CORO1C: variants seen among roughly 807,000 people sequenced by gnomAD.
The protein encoded by CORO1C is coronin-1C.
In CORO1C, 14 loss-of-function variants were observed where a neutral mutation model predicts 51.2. That is an observed-to-expected ratio of 0.27 (90% CI 0.18 to 0.43). The LOEUF (loss-of-function observed/expected upper bound fraction) is 0.43. CORO1C is among the 20% of genes least tolerant of loss of function. The pLI is 1.00. For synonymous variants in CORO1C, 181 were observed against 210.5 expected (o/e 0.86, Z 1.21); for missense variants, 417 against 607.8 (o/e 0.69, Z 3.30).
At chr12:108,724,663 G>A (rs984661493) in intron 1 of CORO1C, among the ~76,000 whole-genome samples, 1 of 152,210 alleles carries the variant, frequency 6.6e-6, no homozygotes, top group African/African-American at 2.4e-5. Flanking sequence ...TTAAAAGATG[G>A]TGAGATACTG....
intron 6 of CORO1C, 123 bp from the exon 7 acceptor site, chr12:108,654,533 G>T (rs1373888568): frequency 8.9e-6 from 5 of 560,642 alleles, no homozygotes; most frequent in Non-Finnish European, 1.6e-5. Context: ...TAGAATAACA[G>T]AAGTTTGAAC....
chr12:108,671,174 A>G (rs1044116872), intron 3 of CORO1C, among the ~76,000 whole-genome samples: 1 of 152,116 alleles, frequency 6.6e-6, no homozygotes, highest in Non-Finnish European at 1.5e-5. Context: ...GTCTCTACAA[A>G]AAAAATAGAA....
chr12:108,684,157 G>A (rs976717799), intron 2 of CORO1C, among the ~76,000 whole-genome samples: 1 of 152,084 alleles, frequency 6.6e-6, no homozygotes, highest in Non-Finnish European at 1.5e-5. Context: ...AACTCACAGC[G>A]AAGAAAATCT....
At chr12:108,652,055 CTT>C (rs202228272) in intron 8 of CORO1C, 197 of 142,674 alleles carry the variant, frequency 1.4e-3, no homozygotes, top group Middle Eastern at 3.2e-3. Context: ...TTTTTCTTTT[CTT>C]TTTTTTTTTT....
intron 4 of CORO1C, 89 bp from the exon 5 acceptor site, chr12:108,659,008 T>C: frequency 2.2e-6 from 3 of 1,341,018 alleles, no homozygotes; most frequent in Middle Eastern, 1.9e-4. Flanking sequence ...AGAATACACA[T>C]ATGTATATGC....
At chr12:108,695,810 A>G (rs964382611) in intron 2 of CORO1C, among the ~76,000 whole-genome samples, 1 of 147,298 alleles carries the variant, frequency 6.8e-6, no homozygotes, top group Non-Finnish European at 1.5e-5. Flanking sequence ...TCTTAATCCT[A>G]TGCATCTAGA....
chr12:108,718,654 T>C (rs938843759), intron 1 of CORO1C, among the ~76,000 whole-genome samples: 1 of 152,232 alleles, frequency 6.6e-6, no homozygotes, highest in African/African-American at 2.4e-5. Flanking sequence ...TAGGAAAGTA[T>C]AGCGCTTACA....
At chr12:108,710,784 G>T (rs528676504) in intron 1 of CORO1C, among the ~76,000 whole-genome samples, 1 of 151,886 alleles carries the variant, frequency 6.6e-6, no homozygotes, top group Admixed American at 6.6e-5. Context: ...AGATGGTCTC[G>T]ATCTCTTCAC....
chr12:108,648,723 G>A lies in CORO1C; in HGVS notation c.1187C>T (p.Pro396Leu). Residue 396 changes from proline to leucine, a missense_variant, in exon 10 of 11, where the codon CCA becomes CTA. Transcript: ENST00000261401. ...ILISLKHGYI[P>L]GKNRDLKVVK... Reference sequence around the variant, plus strand: ...CACCTTGAGATCCCTGTTTTTGCCTGGAATGTACCCGTGCTTCAAGGAGAT... The same window carrying A: ...CACCTTGAGATCCCTGTTTTTGCCTAGAATGTACCCGTGCTTCAAGGAGAT... The A allele has an allele frequency of 6.2e-7, 1 of 1,614,104 alleles. No homozygotes were observed. Among genetic ancestry groups the A allele is most frequent in the Non-Finnish European group, 8.5e-7 (1 of 1,180,012 alleles).
intron 1 of CORO1C, among the ~76,000 whole-genome samples, chr12:108,710,139 G>C (rs760927153): frequency 1.7e-4 from 26 of 152,256 alleles, no homozygotes; most frequent in Admixed American, 2.6e-4. Context: ...TTCTAGAATG[G>C]TTTTTATTAT....
chr12:108,707,858 T>C (rs1005678162), intron 1 of CORO1C, among the ~76,000 whole-genome samples: 13 of 152,184 alleles, frequency 8.5e-5, no homozygotes, highest in African/African-American at 3.1e-4. Flanking sequence ...GATGTACAAA[T>C]GTCCAATACA....
chr12:108,669,690 A>AGAG (rs1555217160), intron 3 of CORO1C, among the ~76,000 whole-genome samples: 1 of 6,708 alleles, frequency 1.5e-4, no homozygotes, highest in Non-Finnish European at 2.8e-4. Flanking sequence ...AAAAAAAAAA[A>AGAG]GGCGGGGGGT....
At chr12:108,675,963 T>C (rs1015927879) in intron 3 of CORO1C, among the ~76,000 whole-genome samples, 3 of 152,120 alleles carry the variant, frequency 2.0e-5, no homozygotes, top group African/African-American at 7.2e-5. Context: ...AAAATCCAGA[T>C]GGTTGAAAAG....
At chr12:108,681,228 C>T (rs751882919) in intron 2 of CORO1C, among the ~76,000 whole-genome samples, 6 of 152,248 alleles carry the variant, frequency 3.9e-5, no homozygotes, top group Non-Finnish European at 7.4e-5. Flanking sequence ...TGAAGTTTGA[C>T]ACACATTTAA....
At chr12:108,672,214 AGATTGACACAATGATT>A (rs1253919019) in intron 3 of CORO1C, among the ~76,000 whole-genome samples, 2 of 152,220 alleles carry the variant, frequency 1.3e-5, no homozygotes, top group African/African-American at 4.8e-5. Flanking sequence ...GCCTGGTGCA[AGATTGACACAATGATT>A]GATGGAGAGT....
At chr12:108,667,073 T>TG (rs2033511209) in intron 3 of CORO1C, among the ~76,000 whole-genome samples, 1 of 149,824 alleles carries the variant, frequency 6.7e-6, no homozygotes, top group Non-Finnish European at 1.5e-5. Flanking sequence ...GAATAGCGCG[T>TG]GGCAAAAAAA....
intron 1 of CORO1C, among the ~76,000 whole-genome samples, chr12:108,718,070 T>C (rs1003117956): frequency 3.3e-5 from 5 of 151,900 alleles, no homozygotes; most frequent in Non-Finnish European, 7.4e-5. Flanking sequence ...ATACAAAAAT[T>C]AGGTCAGGCC....
In CORO1C at chr12:108,731,170, C is replaced by A. The variant is rs565316586; in HGVS notation, c.-6+259G>T. On this transcript the variant is annotated intron_variant, in intron 1 of 10. Transcript: ENST00000261401. The surrounding 1 kb of genome is among the most constrained non-coding windows in gnomAD (Gnocchi z 5.2). ...CGAAAGCCTCCTCCCCACAGGGACC[C>A]TGCTTCACGCTCCCCACGCCACCTG... is the stretch of plus-strand genomic sequence containing the variant. The A allele has an allele frequency of 3.3e-5, 5 of 153,374 alleles. No homozygotes were observed. The South Asian group carries it at 9.8e-4, about 30-fold the overall frequency. 9.5% of individuals were successfully genotyped at this position (153,374 alleles called of 1,614,324 possible). A position where few individuals can be genotyped will look rare whatever the true frequency, so the allele number is the denominator to read the frequency against.
chr12:108,700,650 CAA>C (rs545857819), intron 2 of CORO1C, among the ~76,000 whole-genome samples: 4 of 127,240 alleles, frequency 3.1e-5, no homozygotes, highest in African/African-American at 5.8e-5. Context: ...ATTTCCAACT[CAA>C]AAAAAAAAAG....
Sources: allele counts gnomAD v4.1 joint callset (sites outside exome capture counted in the v4.1 genomes callset), GRCh38; gene constraint gnomAD v4.1.1; non-coding constraint Gnocchi (gnomAD v3.1); transcripts MANE v1.5; gene names NCBI Gene and HGNC (gene_info 2026-07-23, HGNC 2026-07-21).